CROCC: variants seen among roughly 807,000 people sequenced by gnomAD.
CROCC encodes the protein ciliary rootlet coiled-coil, rootletin.
Under a neutral mutation model 245.2 loss-of-function variants are expected in CROCC, and 180 were observed. The observed-to-expected ratio is 0.73, with a 90% confidence interval of 0.65 to 0.83. CROCC has a LOEUF of 0.83. CROCC is among the 40% of genes least tolerant of loss of function. The probability of loss-of-function intolerance (pLI) is 0.00; values close to 1 mark genes in which losing one functional copy is unlikely to be tolerated. For missense variants in CROCC, 2,688 were observed against 2,779.4 expected (o/e 0.97, Z 0.74); for synonymous variants, 1,205 against 1,241.6 (o/e 0.97, Z 0.62).
In CROCC at chr1:16,941,679, C is replaced by T. The variant is rs575159266; in HGVS notation, c.1808+1586C>T. ...CCCGGGAGGCGGAGCTGGCAGCGAG[C>T]CGAGATGGCGCCACTGCACTCCAGC... On this transcript the variant is annotated intron_variant, in intron 13 of 36. Coordinates refer to ENST00000375541, the MANE Select transcript of CROCC (RefSeq NM_014675.5). Among the ~76,000 whole-genome samples, 4 of 152,160 alleles carry T rather than the reference C, an allele frequency of 2.6e-5. No individual in the cohort carries two copies. In the East Asian group the frequency reaches 7.7e-4, roughly 29 times the overall value.
upstream of CROCC, among the ~76,000 whole-genome samples, chr1:16,919,660 C>T (rs1467801307): frequency 2.0e-5 from 3 of 152,294 alleles, no homozygotes; most frequent in East Asian, 1.9e-4. Flanking sequence ...AGCCCAGACA[C>T]GTGATGCTAA....
At chr1:16,937,935 C>G (rs2075828662) in intron 10 of CROCC, among the ~76,000 whole-genome samples, 198 bp downstream of exon 10, 1 of 152,284 alleles carries the variant, frequency 6.6e-6, no homozygotes, top group African/African-American at 2.4e-5. Flanking sequence ...AGCCCTGTAG[C>G]ATAATCCTCA....
In CROCC at chr1:16,921,972, G is replaced by A; in HGVS notation, c.-47G>A. The A allele has an allele frequency of 6.6e-7, 1 of 1,513,610 alleles. No individual in the cohort carries two copies. Among genetic ancestry groups the A allele is most frequent in the South Asian group, 1.2e-5 (1 of 83,094 alleles). 93.8% of individuals were successfully genotyped at this position (1,513,610 alleles called of 1,614,324 possible). On this transcript the variant is annotated 5_prime_UTR_variant, in exon 1 of 37. Coordinates refer to ENST00000375541, the MANE Select transcript of CROCC (RefSeq NM_014675.5). ...GGCGCGTGCTGACTGAGCTAGTCTTGGGGTCCTGGAGAAGGGGGCTGGAGG... is the reference window on the plus strand; with the variant it reads ...GGCGCGTGCTGACTGAGCTAGTCTTAGGGTCCTGGAGAAGGGGGCTGGAGG...
intron 2 of CROCC, among the ~76,000 whole-genome samples, chr1:16,923,226 C>T (rs1337005903): frequency 6.6e-6 from 1 of 152,292 alleles, no homozygotes; most frequent in Non-Finnish European, 1.5e-5. Context: ...GTCCCTGCTC[C>T]TCTCAGTGGG....
intron 35 of CROCC, 32 bp downstream of exon 35, chr1:16,970,799 T>C (rs1267827980): frequency 6.5e-7 from 1 of 1,527,766 alleles, no homozygotes; most frequent in South Asian, 1.3e-5. Flanking sequence ...GACCCCAACT[T>C]CATCCCTAGT....
chr1:16,937,422 T>C (rs2075816492), intron 9 of CROCC, among the ~76,000 whole-genome samples: 2 of 152,098 alleles, frequency 1.3e-5, no homozygotes, highest in Admixed American at 1.3e-4. Flanking sequence ...CCTCAACTGC[T>C]TTCCCATGAG....
chr1:16,938,084 C>G (rs1189058027), intron 10 of CROCC, among the ~76,000 whole-genome samples: 1 of 152,278 alleles, frequency 6.6e-6, no homozygotes, highest in South Asian at 2.1e-4. Context: ...TAGCTGCCCC[C>G]CACCCCCACC....
intron 1 of CROCC, among the ~76,000 whole-genome samples, chr1:16,916,216 G>A (rs2075302535): frequency 1.5e-5 from 2 of 134,554 alleles, no homozygotes; most frequent in South Asian, 4.9e-4. Flanking sequence ...GGGGAGAGAG[G>A]AGATGAGGTG....
rs1253133426 is a variant in CROCC at position 16,930,502 on chromosome 1, C to CT, written c.758dup (p.Ser254GlufsTer2). 6.2e-7 allele frequency: 1 copy of CT among 1,612,474 alleles called. No homozygotes were observed. Among genetic ancestry groups the CT allele is most frequent in the Non-Finnish European group, 8.5e-7 (1 of 1,179,856 alleles). Reference sequence around the variant, plus strand: ...CCAGGCAGGCTCGGCCAACCAGGCTCTGAGTGAGGACATACGAAAGGTGAC... The same window carrying CT: ...CCAGGCAGGCTCGGCCAACCAGGCTCTTGAGTGAGGACATACGAAAGGTGAC... On this transcript the variant is annotated frameshift_variant, in exon 7 of 37. Coordinates refer to ENST00000375541, the MANE Select transcript of CROCC (RefSeq NM_014675.5). LOFTEE classifies it high-confidence loss of function.
chr1:16,938,326 G>T lies in CROCC; in HGVS notation c.1291-74G>T, dbSNP rs531948140. ...AGGCCACCTGGTCAGTGGTGGGCCA[G>T]GTAGGGAGGGAAAGGGGAGGTTTCA... On this transcript the variant is annotated intron_variant, in intron 10 of 36. Coordinates refer to ENST00000375541, the MANE Select transcript of CROCC (RefSeq NM_014675.5). 6.5e-6 allele frequency: 9 copies of T among 1,394,996 alleles called. No homozygotes were observed. The East Asian group carries it at 2.2e-4, about 35-fold the overall frequency. The allele number at this position is 1,394,996 out of a possible 1,614,324, so 86.4% of individuals were successfully genotyped here.
chr1:16,940,153 C>A, intron 13 of CROCC, 60 bp downstream of exon 13: 1 of 1,516,788 alleles, frequency 6.6e-7, no homozygotes, highest in Non-Finnish European at 8.9e-7. Context: ...GGGCATAACA[C>A]CAGTCAAGCC....
Position 16,938,491 on chromosome 1 carries a change from C to A in CROCC, c.1374+8C>A. 6.4e-7 allele frequency: 1 copy of A among 1,564,212 alleles called. No homozygotes were observed. The highest frequency in any genetic ancestry group is 8.7e-7 in the Non-Finnish European group (1 of 1,154,626). On this transcript the variant is annotated splice_region_variant and intron_variant, in intron 11 of 36. Transcript: ENST00000375541. ...CTAAGGGACCTGGCACAGGTGTGAG[C>A]CCAGAGAGGCGGGAAGACAGCGCCC...
At chr1:16,929,819 A>T (rs777692189) in intron 3 of CROCC, 27 bp from the exon 4 acceptor site, 2 of 1,511,556 alleles carry the variant, frequency 1.3e-6, no homozygotes, top group Non-Finnish European at 1.8e-6. Flanking sequence ...GAGGCCCAGG[A>T]CTCTCACCCA....
intron 16 of CROCC, among the ~76,000 whole-genome samples, 176 bp from the exon 17 acceptor site, chr1:16,946,585 G>A (rs1271663987): frequency 1.2e-4 from 18 of 152,280 alleles, no homozygotes; most frequent in Non-Finnish European, 2.2e-4. Flanking sequence ...AAGCACAGAA[G>A]TTCCATGGGC....
chr1:16,932,733 G>A (rs190008617), intron 8 of CROCC, among the ~76,000 whole-genome samples: 73 of 152,378 alleles, frequency 4.8e-4, no homozygotes, highest in Admixed American at 3.9e-3. Context: ...CTGCCTCAGC[G>A]GGGGAGCTTG....
In CROCC at chr1:16,966,505, G is replaced by T. The variant is rs768125363; in HGVS notation, c.4794G>T (p.Thr1598=). 5.9e-6 allele frequency: 9 copies of T among 1,529,570 alleles called. No individual in the cohort carries two copies. The African/African-American group carries it at 6.9e-5, about 12-fold the overall frequency. 94.7% of individuals were successfully genotyped at this position (1,529,570 alleles called of 1,614,324 possible). A position where few individuals can be genotyped will look rare whatever the true frequency, so the allele number is the denominator to read the frequency against. ...GCAGTGAGCGGGAGCGCCGGGCCAC[G>T]CTGGACCAGGTGGCCACACTGGAGA... ...VRRSERERRA[T]LDQVATLERS... The change falls in exon 30 of 37, where the codon ACG becomes ACT. Residue 1598 remains threonine (T), a synonymous_variant. Transcript: ENST00000375541. The surrounding 1 kb of genome is among the most constrained non-coding windows in gnomAD (Gnocchi z 4.8).
chr1:16,970,261 G>A lies in CROCC; in HGVS notation c.5460G>A (p.Arg1820=). The change falls in exon 34 of 37, where the codon CGG becomes CGA. Residue 1820 remains arginine (R), a synonymous_variant. Transcript: ENST00000375541. ...GQLQQLREVL[R]QRQEGEAAAL... ...CCTGGCTTCTGTTGCAGGTGCTGCG[G>A]CAGCGGCAGGAGGGTGAGGCTGCAG... 1 of 1,555,826 alleles carries A rather than the reference G, an allele frequency of 6.4e-7. No homozygotes were observed. The highest frequency in any genetic ancestry group is 8.7e-7 in the Non-Finnish European group (1 of 1,146,446).
At position 16,939,105 on chromosome 1, in the gene CROCC, T is replaced by C. The variant is rs755297754; in HGVS notation, c.1571T>C (p.Ile524Thr). Reference sequence around the variant, plus strand: ...TCAGACTCCTCCACGCTCGCCCTGATCCACTCCGCCCTGCACAAGCGCCAG... The same window carrying C: ...TCAGACTCCTCCACGCTCGCCCTGACCCACTCCGCCCTGCACAAGCGCCAG... ...ACSDSSTLALIHSALHKRQLQ... is the reference protein window; with the variant it reads ...ACSDSSTLALTHSALHKRQLQ... Residue 524 changes from isoleucine to threonine, a missense_variant, in exon 12 of 37, where the codon ATC becomes ACC. Transcript: ENST00000375541. 25 of 1,570,716 alleles carry C rather than the reference T, an allele frequency of 1.6e-5. No individual in the cohort carries two copies. In the African/African-American group the frequency reaches 3.0e-4, roughly 19 times the overall value.
In CROCC at chr1:16,938,840, G is replaced by A. The variant is rs1483129712; in HGVS notation, c.1375-69G>A. ...AGGCAGCCCCCAGCCTCACCTGGGCGTCTTTGCCCAGCTAACCCCGCGGTT... is the reference window on the plus strand; with the variant it reads ...AGGCAGCCCCCAGCCTCACCTGGGCATCTTTGCCCAGCTAACCCCGCGGTT... On this transcript the variant is annotated intron_variant, in intron 11 of 36. Transcript: ENST00000375541. The A allele has an allele frequency of 1.3e-5, 19 of 1,467,210 alleles. No individual in the cohort carries two copies. In the African/African-American group the frequency reaches 1.5e-4, roughly 12 times the overall value. The allele number at this position is 1,467,210 out of a possible 1,614,324, so 90.9% of individuals were successfully genotyped here.
Sources: allele counts gnomAD v4.1 joint callset (sites outside exome capture counted in the v4.1 genomes callset), GRCh38; gene constraint gnomAD v4.1.1; non-coding constraint Gnocchi (gnomAD v3.1); transcripts MANE v1.5; gene names NCBI Gene and HGNC (gene_info 2026-07-23, HGNC 2026-07-21).